The following MINDY3 variants were observed in gnomAD, a reference collection of about 807,000 sequenced individuals.
MINDY3 encodes the protein ubiquitin carboxyl-terminal hydrolase MINDY-3.
A neutral mutation model predicts 69.2 loss-of-function variants in MINDY3; 38 were observed. The ratio of observed to expected loss-of-function variants is 0.55; its 90% confidence interval spans 0.42 to 0.72. The LOEUF is 0.72. Ranked by LOEUF, MINDY3 falls within the 30% of genes least tolerant of loss-of-function variation. MINDY3 has a pLI of 0.00. For synonymous variants in MINDY3, 192 were observed against 180.1 expected (o/e 1.07, Z -0.53); for missense variants, 522 against 519.0 (o/e 1.01, Z -0.06).
In MINDY3 at chr10:15,841,315, AAAG is replaced by A. The variant is rs370707757; in HGVS notation, c.409+108_409+110del. 6.1e-6 allele frequency: 5 copies of A among 822,338 alleles called. No individual in the cohort carries two copies. In the African/African-American group the frequency reaches 7.0e-5, roughly 12 times the overall value. 50.9% of individuals were successfully genotyped at this position (822,338 alleles called of 1,614,324 possible). ...GCTCAGTAATTAAGCTTAAGCTGGA[AAAG>A]AATACATGTTATGAAAATTTTAAGT... On this transcript the variant is annotated intron_variant, in intron 4 of 14. Coordinates refer to ENST00000277632, the MANE Select transcript of MINDY3 (RefSeq NM_024948.4).
chr10:15,843,578 C>G (rs1021422125), intron 2 of MINDY3, among the ~76,000 whole-genome samples: 2 of 152,070 alleles, frequency 1.3e-5, no homozygotes, highest in African/African-American at 2.4e-5. Flanking sequence ...ACTTACTGCT[C>G]TATTCACAAA....
Position 15,837,546 on chromosome 10 carries a change from C to T in MINDY3, c.462-228G>A, listed in dbSNP as rs771219612. Reference sequence around the variant, plus strand: ...TCATTAAGAAAGAACACCTACTTGGCAGGGAACCTCTTCATCTCTTAGGTG... The same window carrying T: ...TCATTAAGAAAGAACACCTACTTGGTAGGGAACCTCTTCATCTCTTAGGTG... On this transcript the variant is annotated intron_variant, in intron 5 of 14. Transcript: ENST00000277632. 9.1e-6 allele frequency: 13 copies of T among 1,421,990 alleles called. No homozygotes were observed. The South Asian group carries it at 1.6e-4, about 17-fold the overall frequency. The allele number at this position is 1,421,990 out of a possible 1,614,324, so 88.1% of individuals were successfully genotyped here.
intron 14 of MINDY3, among the ~76,000 whole-genome samples, chr10:15,781,488 A>C (rs1243105586): frequency 6.6e-6 from 1 of 151,738 alleles, no homozygotes; most frequent in Non-Finnish European, 1.5e-5. Context: ...AAAAAGGGGA[A>C]ATCAATGCAG....
At position 15,779,036 on chromosome 10, in the gene MINDY3, T is replaced by C. The variant is rs1836306830; in HGVS notation, c.1294A>G (p.Ile432Val). 6.2e-7 allele frequency: 1 copy of C among 1,613,620 alleles called. No homozygotes were observed. The highest frequency in any genetic ancestry group is 8.5e-7 in the Non-Finnish European group (1 of 1,179,760). ...CGATCTGTGGTCCAGAGTAACTCAATGTATGGCCATTTGGTTTGCAGACAG... is the reference window on the plus strand; with the variant it reads ...CGATCTGTGGTCCAGAGTAACTCAACGTATGGCCATTTGGTTTGCAGACAG... Reference protein sequence around the residue: ...KRCLQTKWPYIELLWTTDRSP... With the variant: ...KRCLQTKWPYVELLWTTDRSP... Residue 432 changes from isoleucine (I) to valine (V), a missense_variant, in exon 15 of 15, where the codon ATT (isoleucine) becomes GTT (valine). Ile to Val is a conservative substitution (Grantham distance 29). Coordinates refer to ENST00000277632, the MANE Select transcript of MINDY3 (RefSeq NM_024948.4).
rs555560393 is a variant in MINDY3, at chr10:15,850,196, C to G, written c.95-2253G>C. ...ATGCCTGTCTTTAATCTCTTAATCC[C>G]GTCATCTTCGTAAGCTGAGCATGTA... On this transcript the variant is annotated intron_variant, in intron 1 of 14. Coordinates refer to ENST00000277632, the MANE Select transcript of MINDY3 (RefSeq NM_024948.4). Among the ~76,000 whole-genome samples the G allele has an allele frequency of 1.1e-4, 16 of 152,294 alleles. No individual in the cohort carries two copies. In the East Asian group the frequency reaches 3.1e-3, roughly 29 times the overall value.
At chr10:15,847,598 A>G (rs1564527686) in intron 2 of MINDY3, among the ~76,000 whole-genome samples, 1 of 152,226 alleles carries the variant, frequency 6.6e-6, no homozygotes, top group East Asian at 1.9e-4. Flanking sequence ...AAAGAAGTCA[A>G]GAAACTTCCT....
At chr10:15,816,941 CAAAT>C (rs776231187) in intron 9 of MINDY3, 26 bp from the exon 10 acceptor site, 5 of 1,533,358 alleles carry the variant, frequency 3.3e-6, no homozygotes, top group African/African-American at 2.7e-5. Flanking sequence ...CAAAATAAAA[CAAAT>C]AAACAAATTA....
chr10:15,804,463 G>T (rs527261637), intron 10 of MINDY3, among the ~76,000 whole-genome samples: 1 of 152,116 alleles, frequency 6.6e-6, no homozygotes, highest in Non-Finnish European at 1.5e-5. Context: ...TTACTGAAAA[G>T]GTCTTTAAAG....
At chr10:15,804,912 C>T (rs1333577025) in intron 10 of MINDY3, among the ~76,000 whole-genome samples, 2 of 152,110 alleles carry the variant, frequency 1.3e-5, no homozygotes, top group African/African-American at 4.8e-5. Flanking sequence ...GCCCAGGTCA[C>T]CTCCACAGTA....
At chr10:15,795,017 G>A (rs1225170936) in intron 11 of MINDY3, among the ~76,000 whole-genome samples, 1 of 151,522 alleles carries the variant, frequency 6.6e-6, no homozygotes, top group Non-Finnish European at 1.5e-5. Flanking sequence ...TTCAACTGTG[G>A]TTCCAAAATC....
At position 15,841,514 on chromosome 10, in the gene MINDY3, C is replaced by T. The variant is rs756571846; in HGVS notation, c.321G>A (p.Leu107=). 3 of 1,611,712 alleles carry T rather than the reference C, an allele frequency of 1.9e-6. No individual in the cohort carries two copies. The highest frequency in any genetic ancestry group is 4.5e-5 in the East Asian group (2 of 44,746). Residue 107 remains leucine (L), a synonymous_variant, in exon 4 of 15, where the codon TTG becomes TTA. Coordinates refer to ENST00000277632, the MANE Select transcript of MINDY3 (RefSeq NM_024948.4). ...TTGTCTTTCCTCTTAACCATGAAAC[C>T]AAGCAGTATGATCCAGAGTGGTCAC... ...ACCDHSGSYC[L]VSWLRGKTTE... is the part of the protein sequence containing the mutation.
chr10:15,827,526 G>A (rs933442010), intron 8 of MINDY3, among the ~76,000 whole-genome samples: 38 of 150,558 alleles, frequency 2.5e-4, no homozygotes, highest in African/African-American at 9.4e-4. Context: ...CTGGGTGACA[G>A]AGTGAGACTC....
intron 8 of MINDY3, among the ~76,000 whole-genome samples, chr10:15,832,175 G>T (rs938178108): frequency 6.6e-6 from 1 of 152,142 alleles, no homozygotes; most frequent in African/African-American, 2.4e-5. Context: ...CCAAGTGTGA[G>T]AGAGAGTGAT....
At chr10:15,814,565 T>C (rs558245347) in intron 10 of MINDY3, among the ~76,000 whole-genome samples, 1 of 151,864 alleles carries the variant, frequency 6.6e-6, no homozygotes, top group African/African-American at 2.4e-5. Flanking sequence ...TACACCCACA[T>C]GGCAGGAGTT....
intron 10 of MINDY3, among the ~76,000 whole-genome samples, chr10:15,807,541 T>C (rs1302270440): frequency 6.6e-6 from 1 of 152,128 alleles, no homozygotes; most frequent in Non-Finnish European, 1.5e-5. Flanking sequence ...TGTACTCTGC[T>C]ATCAACTCTA....
intron 8 of MINDY3, among the ~76,000 whole-genome samples, chr10:15,822,185 T>C (rs946324721): frequency 2.0e-5 from 3 of 152,198 alleles, no homozygotes; most frequent in African/African-American, 7.2e-5. Context: ...ACTTAAAACA[T>C]GGACATTTAA....
intron 4 of MINDY3, among the ~76,000 whole-genome samples, chr10:15,838,997 A>G (rs1029443575): frequency 6.6e-6 from 1 of 151,588 alleles, no homozygotes; most frequent in African/African-American, 2.4e-5. Flanking sequence ...ACACAGAAAA[A>G]TCCTCTCAAG....
At chr10:15,837,941 T>C in intron 5 of MINDY3, 12 of 949,654 alleles carry the variant, frequency 1.3e-5, no homozygotes, top group Non-Finnish European at 1.5e-5. Context: ...TTTGTTTAGG[T>C]CACAGAAACA....
chr10:15,848,660 AAAG>A (rs1196986583), intron 1 of MINDY3, among the ~76,000 whole-genome samples: 2 of 120,272 alleles, frequency 1.7e-5, no homozygotes, highest in Non-Finnish European at 1.8e-5. Flanking sequence ...AAAAAAAAAA[AAAG>A]AAAGAAAAAT....
Sources: gnomAD v4.1 joint callset for allele counts (sites outside exome capture counted in the v4.1 genomes callset) on GRCh38, gnomAD v4.1.1 for gene constraint, MANE v1.5 for transcripts, NCBI Gene and HGNC (gene_info 2026-07-23, HGNC 2026-07-21) for gene names.